Variants in HIVEP3 observed in about 807,000 individuals in gnomAD.
HIVEP3 encodes transcription factor HIVEP3.
HIVEP3 carries 49 observed loss-of-function variants against 152.8 expected under a neutral mutation model. That is an observed-to-expected ratio of 0.32 (90% CI 0.26 to 0.41). The LOEUF (loss-of-function observed/expected upper bound fraction) is 0.41. Among genes scored for constraint, HIVEP3 ranks in the 10% least tolerant of loss-of-function variants. The pLI, the probability that HIVEP3 is intolerant of heterozygous loss-of-function variation, is 1.00. For synonymous variants in HIVEP3, 1,269 were observed against 1,289.0 expected (o/e 0.98, Z 0.33); for missense variants, 2,790 against 3,103.3 (o/e 0.90, Z 2.40).
intron 1 of HIVEP3, among the ~76,000 whole-genome samples, chr1:42,022,156 C>T (rs545061101): frequency 2.6e-5 from 4 of 152,320 alleles, no homozygotes; most frequent in African/African-American, 9.6e-5. Context: ...CTTACGGATA[C>T]ATTTATCATA....
Position 41,675,840 on chromosome 1 carries a change from G to C in HIVEP3, c.-721+25076C>G, listed in dbSNP as rs960568762. Among the ~76,000 whole-genome samples the C allele has an allele frequency of 9.2e-5, 14 of 152,312 alleles. No homozygotes were observed. The East Asian group carries it at 2.7e-3, about 29-fold the overall frequency. ...GGGTGGTGGGTGAGCCCATGGGAAG[G>C]AGAACCAGGCCACAGGCTCTGCTGA... On this transcript the variant is annotated intron_variant, in intron 2 of 8. Transcript: ENST00000372583.
chr1:41,541,817 C>T (rs1643537578), intron 5 of HIVEP3, among the ~76,000 whole-genome samples: 1 of 152,176 alleles, frequency 6.6e-6, no homozygotes, highest in Non-Finnish European at 1.5e-5. Context: ...ATTTCTTGAC[C>T]TGTGGGTAAC....
intron 1 of HIVEP3, among the ~76,000 whole-genome samples, chr1:41,856,563 C>T (rs549879580): frequency 3.9e-5 from 6 of 152,304 alleles, no homozygotes; most frequent in Admixed American, 1.3e-4. Context: ...CGCACATGCA[C>T]GTGCACAAGG....
At chr1:41,636,677 T>C (rs2149154058) in intron 2 of HIVEP3, among the ~76,000 whole-genome samples, 1 of 152,272 alleles carries the variant, frequency 6.6e-6, no homozygotes, top group South Asian at 2.1e-4. Flanking sequence ...AATAAAAATG[T>C]CTAATAAATA....
At chr1:41,561,843 A>G (rs531470182) in intron 5 of HIVEP3, among the ~76,000 whole-genome samples, 1 of 146,710 alleles carries the variant, frequency 6.8e-6, no homozygotes, top group South Asian at 2.2e-4. Flanking sequence ...GCATGGGTCA[A>G]TGCATTTACA....
Position 41,788,321 on chromosome 1 carries a change from C to T in HIVEP3, c.-800-87326G>A, listed in dbSNP as rs746875616. On this transcript the variant is annotated intron_variant, in intron 1 of 8. Coordinates refer to ENST00000372583, the MANE Select transcript of HIVEP3 (RefSeq NM_024503.5). Reference sequence around the variant, plus strand: ...TCCTGTTTGTGGGCATCTGTAAGACCGCTTAGAGGACTCCTCAGAATCACT... The same window carrying T: ...TCCTGTTTGTGGGCATCTGTAAGACTGCTTAGAGGACTCCTCAGAATCACT... 7.2e-5 allele frequency among the ~76,000 whole-genome samples: 11 copies of T among 152,320 alleles called. No homozygotes were observed. In the South Asian group the frequency reaches 1.2e-3, roughly 17 times the overall value.
chr1:41,622,730 G>A (rs147557816), intron 3 of HIVEP3, among the ~76,000 whole-genome samples: 174 of 152,310 alleles, frequency 1.1e-3, no homozygotes, highest in African/African-American at 4.1e-3. Context: ...TGTGTTTCAC[G>A]TTTCTATCAC....
At chr1:41,574,923 G>T (rs995582147) in intron 5 of HIVEP3, among the ~76,000 whole-genome samples, 9 of 152,358 alleles carry the variant, frequency 5.9e-5, no homozygotes, top group Non-Finnish European at 1.2e-4. Flanking sequence ...CCCTGAAGCT[G>T]TGAGCTCTGA....
rs768793747 is a variant in HIVEP3, at chr1:41,580,421, A to T, written c.4377T>A (p.Asp1459Glu). 15 of 1,613,956 alleles carry T rather than the reference A, an allele frequency of 9.3e-6. No individual in the cohort carries two copies. The South Asian group carries it at 1.6e-4, about 18-fold the overall frequency. ...RVKEEEASKA[D>E]EKLELVKPCS... ...ATGGTTTTACCAGCTCAAGTTTTTCATCTGCCTTGGAAGCCTCCTCCTCCT... is the reference window on the plus strand; with the variant it reads ...ATGGTTTTACCAGCTCAAGTTTTTCTTCTGCCTTGGAAGCCTCCTCCTCCT... Residue 1459 changes from aspartate to glutamate, a missense_variant, in exon 4 of 9, where the codon GAT becomes GAA. Around this residue, in one of 9 missense-constraint regions of HIVEP3, gnomAD observed 1,078 missense variants for 1,165.3 expected, o/e 0.93. Transcript: ENST00000372583.
At chr1:41,621,093 G>A (rs761240674) in intron 3 of HIVEP3, among the ~76,000 whole-genome samples, 8 of 152,140 alleles carry the variant, frequency 5.3e-5, no homozygotes, top group Admixed American at 2.0e-4. Flanking sequence ...ATTCATTCCC[G>A]CCTCACCTGT....
chr1:41,956,722 A>T (rs1385926031), intron 1 of HIVEP3, among the ~76,000 whole-genome samples: 1 of 152,234 alleles, frequency 6.6e-6, no homozygotes, highest in African/African-American at 2.4e-5. Flanking sequence ...CAAGTTAGGT[A>T]TGAAGTTTGA....
At chr1:41,597,810 T>C (rs1490073633) in intron 3 of HIVEP3, among the ~76,000 whole-genome samples, 2 of 152,196 alleles carry the variant, frequency 1.3e-5, no homozygotes, top group African/African-American at 4.8e-5. Context: ...GTATCGACAG[T>C]GTTTAAGCCT....
At chr1:41,920,412 G>T (rs534937821), upstream of HIVEP3, among the ~76,000 whole-genome samples, 3 of 152,258 alleles carry the variant, frequency 2.0e-5, no homozygotes, top group South Asian at 2.1e-4. Flanking sequence ...GGGCTGCGAG[G>T]GGATGGTGAA....
chr1:41,879,333 G>A (rs182317009), intron 1 of HIVEP3, among the ~76,000 whole-genome samples: 9 of 152,232 alleles, frequency 5.9e-5, no homozygotes, highest in Admixed American at 1.3e-4. Flanking sequence ...TCCCTCCATC[G>A]TCCAGACAGA....
chr1:41,941,884 G>A (rs369463842), intron 1 of HIVEP3, among the ~76,000 whole-genome samples: 17 of 152,258 alleles, frequency 1.1e-4, no homozygotes, highest in East Asian at 9.6e-4. Context: ...CTACTGGATC[G>A]CTGGATCACA....
intron 1 of HIVEP3, among the ~76,000 whole-genome samples, chr1:41,763,393 G>T (rs557219867): frequency 9.2e-5 from 14 of 152,286 alleles, no homozygotes; most frequent in Non-Finnish European, 1.5e-5. Flanking sequence ...CCATCTGGCT[G>T]CAGCAGCAGC....
chr1:41,768,044 C>T (rs1377471069), intron 1 of HIVEP3, among the ~76,000 whole-genome samples: 5 of 152,230 alleles, frequency 3.3e-5, no homozygotes, highest in Admixed American at 6.5e-5. Context: ...GGCCAAAACA[C>T]TAAAAGCACT....
intron 1 of HIVEP3, among the ~76,000 whole-genome samples, chr1:41,999,648 C>G (rs1256524867): frequency 6.6e-6 from 1 of 152,088 alleles, no homozygotes; most frequent in African/African-American, 2.4e-5. Context: ...AGGATCTGAG[C>G]AGCAAGATCA....
chr1:41,615,554 A>G (rs1056045064), intron 3 of HIVEP3, among the ~76,000 whole-genome samples: 1 of 152,274 alleles, frequency 6.6e-6, no homozygotes, highest in Admixed American at 6.5e-5. Context: ...AAGACTGCCC[A>G]GAAACAGTGG....
Sources: allele counts gnomAD v4.1 joint callset (sites outside exome capture counted in the v4.1 genomes callset), GRCh38; gene constraint gnomAD v4.1.1; regional missense constraint gnomAD v4.1.1; transcripts MANE v1.5; gene names NCBI Gene and HGNC (gene_info 2026-07-23, HGNC 2026-07-21).